SRSF4: variants seen among roughly 807,000 people sequenced by gnomAD.
The protein encoded by SRSF4 is serine/arginine-rich splicing factor 4.
In SRSF4, 12 loss-of-function variants were observed where a neutral mutation model predicts 48.8. The ratio of observed to expected loss-of-function variants is 0.25; its 90% confidence interval spans 0.16 to 0.40. The LOEUF is 0.40. Among genes scored for constraint, SRSF4 ranks in the 10% least tolerant of loss-of-function variants. SRSF4 has a pLI of 1.00. For missense variants in SRSF4, 466 were observed against 667.1 expected (o/e 0.70, Z 3.32); for synonymous variants, 248 against 232.5 (o/e 1.07, Z -0.61).
At chr1:29,162,629 G>A (rs150501239) in intron 1 of SRSF4, among the ~76,000 whole-genome samples, 2 of 152,206 alleles carry the variant, frequency 1.3e-5, no homozygotes, top group African/African-American at 4.8e-5. Flanking sequence ...GCCATGCGGA[G>A]GGAGGAGGGA....
Position 29,154,726 on chromosome 1 carries a change from C to T in SRSF4, c.548G>A (p.Arg183Gln), listed in dbSNP as rs1307767331. The change falls in exon 4 of 6, where the codon CGG becomes CAG. Residue 183 changes from arginine (R) to glutamine (Q), a missense_variant. Arg to Gln is a conservative substitution (Grantham distance 43, BLOSUM62 1). Coordinates refer to ENST00000373795, the MANE Select transcript of SRSF4 (RefSeq NM_005626.5). ...ATGACTCCGGCTTCTGGAGTAGGAC[C>T]GGCGTCGTCTGGAACCTGGCTTGTC... ...VEDKPGSRRRRSYSRSRSHSR... is the reference protein window; with the variant it reads ...VEDKPGSRRRQSYSRSRSHSR... 9 of 1,614,182 alleles carry T rather than the reference C, an allele frequency of 5.6e-6. No homozygotes were observed. Among genetic ancestry groups the T allele is most frequent in the East Asian group, 2.2e-5 (1 of 44,886 alleles).
chr1:29,148,076 C>G lies in SRSF4; in HGVS notation c.*334G>C, dbSNP rs1254376779. On this transcript the variant is annotated 3_prime_UTR_variant, in exon 6 of 6. Coordinates refer to ENST00000373795, the MANE Select transcript of SRSF4 (RefSeq NM_005626.5). The stretch of plus-strand genomic sequence containing the variant: ...GCAAAAATGGTTGAACTCACCATAC[C>G]TACCTATGTGGTCATTCCAGCCTTA... 3 of 508,974 alleles carry G rather than the reference C, an allele frequency of 5.9e-6. No homozygotes were observed. Among genetic ancestry groups the G allele is most frequent in the Non-Finnish European group, 1.1e-5 (3 of 262,342 alleles). 31.5% of individuals were successfully genotyped at this position (508,974 alleles called of 1,614,324 possible). A position where few individuals can be genotyped will look rare whatever the true frequency, so the allele number is the denominator to read the frequency against.
chr1:29,180,555 T>C (rs2151830324), intron 1 of SRSF4, among the ~76,000 whole-genome samples: 1 of 152,328 alleles, frequency 6.6e-6, no homozygotes, highest in Admixed American at 6.5e-5. Flanking sequence ...GTTACTAGTA[T>C]AACCCTGGGG....
At chr1:29,156,058 A>G (rs1672494915) in intron 3 of SRSF4, among the ~76,000 whole-genome samples, 1 of 152,152 alleles carries the variant, frequency 6.6e-6, no homozygotes, top group African/African-American at 2.4e-5. Flanking sequence ...ACAGAACAAA[A>G]AGAAATTTAT....
At chr1:29,149,553 C>A (rs542988666) in intron 5 of SRSF4, among the ~76,000 whole-genome samples, 1 of 152,042 alleles carries the variant, frequency 6.6e-6, no homozygotes, top group Non-Finnish European at 1.5e-5. Context: ...TGCTGGCACA[C>A]GCCTGTAAAC....
intron 1 of SRSF4, among the ~76,000 whole-genome samples, chr1:29,176,279 A>C (rs905661281): frequency 3.3e-5 from 5 of 151,864 alleles, no homozygotes; most frequent in Non-Finnish European, 5.9e-5. Context: ...AAAAACAAAA[A>C]AACAACAAAT....
At chr1:29,159,346 T>C (rs1339082338) in intron 3 of SRSF4, 28 bp downstream of exon 3, 1 of 1,551,924 alleles carries the variant, frequency 6.4e-7, no homozygotes, top group Admixed American at 1.7e-5. Flanking sequence ...TGCCCAACCT[T>C]ACCCCAAAAG....
Position 29,148,694 on chromosome 1 carries a change from G to C in SRSF4, c.1201C>G (p.Arg401Gly), listed in dbSNP as rs760935315. 9.9e-6 allele frequency: 16 copies of C among 1,613,856 alleles called. No homozygotes were observed. The highest frequency in any genetic ancestry group is 1.2e-5 in the Non-Finnish European group (14 of 1,180,010). ...SKKKKKEDTD[R>G]SQSRSPSRSV... The stretch of plus-strand genomic sequence containing the variant: ...CGGGATGGAGATCTGGACTGGGAGC[G>C]GTCAGTGTCTTCCTTCTTCTTCTTC... The change falls in exon 6 of 6, where the codon CGC becomes GGC. Residue 401 changes from arginine (R) to glycine (G), a missense_variant. By Grantham distance (125) the Arg-to-Gly change is moderately radical. This residue lies in a region of SRSF4 where 402 missense variants were observed against 437.0 expected (regional missense o/e 0.92). Transcript: ENST00000373795.
intron 1 of SRSF4, among the ~76,000 whole-genome samples, chr1:29,174,209 AAAG>A (rs2151824962): frequency 1.6e-4 from 1 of 6,088 alleles, no homozygotes; most frequent in African/African-American, 1.9e-4. Flanking sequence ...AAAAAAGAAA[AAAG>A]AAAAAAAAAA....
intron 4 of SRSF4, among the ~76,000 whole-genome samples, chr1:29,151,249 T>G (rs1350250722): frequency 6.6e-6 from 1 of 152,176 alleles, no homozygotes; most frequent in Non-Finnish European, 1.5e-5. Flanking sequence ...CAGACCTAAC[T>G]TCCAGTATAT....
rs371232200 is a variant in SRSF4 at position 29,175,525 on chromosome 1, C to A, written c.107+6121G>T. ...CCTGGGTAACACAGTGAAACCCCGT[C>A]TCTACTAAAAATACAAAAAATTAGC... On this transcript the variant is annotated intron_variant, in intron 1 of 5. Coordinates refer to ENST00000373795, the MANE Select transcript of SRSF4 (RefSeq NM_005626.5). Among the ~76,000 whole-genome samples, 11 of 149,830 alleles carry A rather than the reference C, an allele frequency of 7.3e-5. No homozygotes were observed. The East Asian group carries it at 7.8e-4, about 11-fold the overall frequency.
chr1:29,150,023 G>GAA, intron 5 of SRSF4, 80 bp downstream of exon 5: 57 of 1,110,966 alleles, frequency 5.1e-5, no homozygotes, highest in Non-Finnish European at 6.1e-5. Context: ...GTGTCTCTTT[G>GAA]AAAAAAAAAA....
At chr1:29,169,291 C>T (rs1672713734) in intron 1 of SRSF4, 1 of 152,230 alleles carries the variant, frequency 6.6e-6, no homozygotes. Context: ...CATTCTACCA[C>T]CACGTTTTAA....
chr1:29,173,347 T>C (rs565264244), intron 1 of SRSF4: 2 of 151,596 alleles, frequency 1.3e-5, no homozygotes, highest in African/African-American at 2.4e-5. Flanking sequence ...GGTTTCACCA[T>C]GTTAGCCAGG....
At chr1:29,166,953 G>C (rs1672677279) in intron 1 of SRSF4, 1 of 152,172 alleles carries the variant, frequency 6.6e-6, no homozygotes, top group African/African-American at 2.4e-5. Context: ...CTCTCTTCCG[G>C]ATCCCTTGAC....
At chr1:29,174,254 G>A (rs559968206) in intron 1 of SRSF4, among the ~76,000 whole-genome samples, 4 of 151,718 alleles carry the variant, frequency 2.6e-5, no homozygotes, top group South Asian at 2.1e-4. Context: ...AGGTGGAAAC[G>A]TAAATATTAA....
At chr1:29,178,445 G>A (rs1014676171) in intron 1 of SRSF4, among the ~76,000 whole-genome samples, 5 of 148,706 alleles carry the variant, frequency 3.4e-5, no homozygotes, top group African/African-American at 7.4e-5. Context: ...CCAGGTTCAC[G>A]CCATTCTCCT....
intron 1 of SRSF4, among the ~76,000 whole-genome samples, chr1:29,164,353 T>G (rs1672639597): frequency 6.6e-6 from 1 of 152,248 alleles, no homozygotes; most frequent in Admixed American, 6.5e-5. Flanking sequence ...TCCTGGTAAC[T>G]AACACTAGAG....
chr1:29,156,450 G>C (rs1210861818), intron 3 of SRSF4, among the ~76,000 whole-genome samples: 1 of 151,980 alleles, frequency 6.6e-6, no homozygotes, highest in Non-Finnish European at 1.5e-5. Flanking sequence ...CATTGTGCCA[G>C]AAACTGTTCT....
Sources: allele counts gnomAD v4.1 joint callset (sites outside exome capture counted in the v4.1 genomes callset), GRCh38; gene constraint gnomAD v4.1.1; regional missense constraint gnomAD v4.1.1; transcripts MANE v1.5; gene names NCBI Gene and HGNC (gene_info 2026-07-23, HGNC 2026-07-21).